The following NEDD4L variants were observed in gnomAD, a reference collection of about 807,000 sequenced individuals.
NEDD4L encodes the protein E3 ubiquitin-protein ligase NEDD4-like.
A neutral mutation model predicts 148.9 loss-of-function variants in NEDD4L; 54 were observed. The observed-to-expected ratio is 0.36, with a 90% confidence interval of 0.29 to 0.45. The LOEUF is 0.45. Ranked by LOEUF, NEDD4L falls within the 20% of genes least tolerant of loss-of-function variation. The pLI is 1.00. For synonymous variants in NEDD4L, 433 were observed against 440.7 expected, an observed-to-expected ratio of 0.98 and a Z score of 0.22; for missense variants, 856 against 1,233.8, an observed-to-expected ratio of 0.69 and a Z score of 4.59.
rs576275475 is a variant in NEDD4L, at chr18:58,194,468, G to A, written c.122+28607G>A. Among the ~76,000 whole-genome samples the A allele has an allele frequency of 3.3e-5, 5 of 152,250 alleles. No individual in the cohort carries two copies. In the East Asian group the frequency reaches 9.7e-4, roughly 29 times the overall value. On this transcript the variant is annotated intron_variant, in intron 2 of 30. Transcript: ENST00000400345. The stretch of plus-strand genomic sequence containing the variant: ...GGAGCATTCAAGAAAAAGACCTTTT[G>A]GCTCAATAAAGCCTTTATTTTCCTC...
At chr18:58,334,809 G>A (rs1241148224) in intron 12 of NEDD4L, among the ~76,000 whole-genome samples, 2 of 152,162 alleles carry the variant, frequency 1.3e-5, no homozygotes, top group East Asian at 3.9e-4. Context: ...AAAAATTAAT[G>A]AGTATACTAG....
intron 2 of NEDD4L, among the ~76,000 whole-genome samples, chr18:58,214,401 A>G (rs1320973658): frequency 6.6e-6 from 1 of 152,222 alleles, no homozygotes; most frequent in African/African-American, 2.4e-5. Flanking sequence ...AGAGAGAGAT[A>G]GAAATGTACA....
chr18:58,058,423 A>C (rs1432733580), intron 1 of NEDD4L, among the ~76,000 whole-genome samples: 3 of 152,200 alleles, frequency 2.0e-5, no homozygotes, highest in Non-Finnish European at 4.4e-5. Flanking sequence ...CTAGCCATGG[A>C]ACTCTTTCAT....
chr18:58,096,816 C>A (rs1317135011), intron 1 of NEDD4L, among the ~76,000 whole-genome samples: 1 of 152,212 alleles, frequency 6.6e-6, no homozygotes, highest in Non-Finnish European at 1.5e-5. Context: ...TGGAAAAACA[C>A]AGTTCCATCT....
intron 1 of NEDD4L, among the ~76,000 whole-genome samples, chr18:58,072,177 G>A (rs1294813252): frequency 2.0e-5 from 3 of 152,060 alleles, no homozygotes; most frequent in South Asian, 4.2e-4. Flanking sequence ...TGGTTTACTG[G>A]GTAAATTCAC....
intron 1 of NEDD4L, among the ~76,000 whole-genome samples, chr18:58,082,504 G>T (rs1173237332): frequency 6.6e-6 from 1 of 151,212 alleles, no homozygotes; most frequent in Non-Finnish European, 1.5e-5. Flanking sequence ...GGGTGCATTG[G>T]CTCATGCCTG....
intron 5 of NEDD4L, among the ~76,000 whole-genome samples, chr18:58,268,683 A>T (rs2050587128): frequency 6.6e-6 from 1 of 152,038 alleles, no homozygotes; most frequent in Admixed American, 6.6e-5. Context: ...TGTCTCAGCT[A>T]CTGAAAATTT....
At chr18:58,347,413 G>A (rs755681115) in intron 16 of NEDD4L, among the ~76,000 whole-genome samples, 1 of 152,188 alleles carries the variant, frequency 6.6e-6, no homozygotes. Context: ...AGGGTCCCCC[G>A]CTGGTTGTGG....
At chr18:58,079,359 G>A (rs373197024) in intron 1 of NEDD4L, among the ~76,000 whole-genome samples, 9 of 152,332 alleles carry the variant, frequency 5.9e-5, no homozygotes, top group African/African-American at 7.2e-5. Context: ...AGTGATGGGC[G>A]TGGTAACAGC....
chr18:58,306,285 T>TG (rs1299685269), intron 5 of NEDD4L, among the ~76,000 whole-genome samples: 1 of 140,266 alleles, frequency 7.1e-6, no homozygotes, highest in Non-Finnish European at 1.5e-5. Context: ...ATATCAGGGG[T>TG]GGGGGAGATG....
intron 24 of NEDD4L, among the ~76,000 whole-genome samples, chr18:58,377,931 G>A (rs2047788072): frequency 6.6e-6 from 1 of 152,166 alleles, no homozygotes; most frequent in Admixed American, 6.5e-5. Flanking sequence ...TTTTAGTGGA[G>A]ACAGGACTTC....
At chr18:58,293,197 C>A (rs995387001) in intron 5 of NEDD4L, among the ~76,000 whole-genome samples, 1 of 152,182 alleles carries the variant, frequency 6.6e-6, no homozygotes. Context: ...TGGTGAGTAG[C>A]TGCTACAGCC....
Position 58,349,568 on chromosome 18 carries a change from T to G in NEDD4L, c.1607T>G (p.Met536Arg), listed in dbSNP as rs369952868. 8 of 1,614,016 alleles carry G rather than the reference T, an allele frequency of 5.0e-6. No individual in the cohort carries two copies. The highest frequency in any genetic ancestry group is 6.8e-6 in the Non-Finnish European group (8 of 1,179,872). ...EDPRLKFPVHMRSKTSLNPND... is the reference protein window; with the variant it reads ...EDPRLKFPVHRRSKTSLNPND... The stretch of plus-strand genomic sequence containing the variant: ...CCACGTTTGAAATTTCCAGTACATA[T>G]GCGGTCAAAGACATCTTTAAACCCC... The change falls in exon 17 of 31, where the codon ATG (methionine) becomes AGG (arginine). Residue 536 changes from methionine to arginine, a missense_variant. Physicochemically the swap from Met to Arg is moderately conservative, Grantham distance 91. Transcript: ENST00000400345.
intron 2 of NEDD4L, among the ~76,000 whole-genome samples, chr18:58,235,299 C>T (rs80140337): frequency 0.02 from 3,058 of 152,296 alleles, 110 homozygotes; most frequent in African/African-American, 0.07. Flanking sequence ...TGCTTACTCA[C>T]TTGAAAAGTG....
At chr18:58,229,769 A>T (rs1599950277) in intron 2 of NEDD4L, among the ~76,000 whole-genome samples, 1 of 152,212 alleles carries the variant, frequency 6.6e-6, no homozygotes, top group East Asian at 1.9e-4. Flanking sequence ...AGGCGGGCGG[A>T]TCGTGAGGTC....
chr18:58,157,026 GA>G (rs71173036), intron 1 of NEDD4L, among the ~76,000 whole-genome samples: 37,904 of 143,148 alleles, frequency 0.26, 4,995 homozygotes, highest in Non-Finnish European at 0.3. Context: ...AAAAATACAG[GA>G]AAAAAAAAAA....
chr18:58,334,946 C>G (rs866426856), intron 12 of NEDD4L, among the ~76,000 whole-genome samples: 30 of 152,318 alleles, frequency 2.0e-4, no homozygotes, highest in Middle Eastern at 3.4e-3. Context: ...AAATAATCAA[C>G]TGAGATGGAC....
chr18:58,049,502 A>G (rs890919409), intron 1 of NEDD4L, among the ~76,000 whole-genome samples: 2 of 152,268 alleles, frequency 1.3e-5, no homozygotes, highest in East Asian at 3.9e-4. Context: ...CTGAAGAGAG[A>G]GAAGGCTTGC....
chr18:58,256,044 G>A lies in NEDD4L; in HGVS notation c.297+3990G>A, dbSNP rs2048491329. 8.1e-7 allele frequency: 1 copy of A among 1,229,534 alleles called. No individual in the cohort carries two copies. The highest frequency in any genetic ancestry group is 1.6e-5 in the African/African-American group (1 of 64,290). 76.2% of individuals were successfully genotyped at this position (1,229,534 alleles called of 1,614,324 possible). A position where few individuals can be genotyped will look rare whatever the true frequency, so the allele number is the denominator to read the frequency against. On this transcript the variant is annotated intron_variant, in intron 5 of 30. Transcript: ENST00000400345. This position sits in a 1 kb window ranked among gnomAD's most constrained non-coding sequence, Gnocchi z 5.2. ...CAGGCCTCCGCCACTGCCACCACGA[G>A]GGCCTCGCCCCAGAGTGGCTCCCGG...
Sources: allele counts gnomAD v4.1 joint callset (sites outside exome capture counted in the v4.1 genomes callset), GRCh38; gene constraint gnomAD v4.1.1; non-coding constraint Gnocchi (gnomAD v3.1); transcripts MANE v1.5; gene names NCBI Gene and HGNC (gene_info 2026-07-23, HGNC 2026-07-21).